The following RAB6B variants were observed in gnomAD, a reference collection of about 807,000 sequenced individuals.
The protein encoded by RAB6B is RAB6B, member RAS oncogene family.
In RAB6B, 7 loss-of-function variants were observed where a neutral mutation model predicts 31.2. The ratio of observed to expected loss-of-function variants is 0.22; its 90% CI spans 0.13 to 0.42. RAB6B has a LOEUF of 0.42. Among genes scored for constraint, RAB6B ranks in the 10% least tolerant of loss-of-function variants. The pLI is 1.00. For missense variants in RAB6B, 149 were observed against 280.6 expected, an observed-to-expected ratio of 0.53 and a Z score of 3.35; for synonymous variants, 105 against 104.9, an observed-to-expected ratio of 1.00 and a Z score of -0.01.
At chr3:133,837,535 G>A (rs763553618) in intron 6 of RAB6B, among the ~76,000 whole-genome samples, 4 of 152,318 alleles carry the variant, frequency 2.6e-5, no homozygotes, top group South Asian at 2.1e-4. Context: ...CAAATCAGAC[G>A]TCCTTCAGTG....
intron 1 of RAB6B, among the ~76,000 whole-genome samples, chr3:133,870,162 C>T (rs755381297): frequency 1.3e-5 from 2 of 152,190 alleles, no homozygotes; most frequent in Non-Finnish European, 2.9e-5. Flanking sequence ...AGGAAACTTA[C>T]AATCATGGCA....
chr3:133,871,585 G>A (rs566226156), intron 1 of RAB6B, among the ~76,000 whole-genome samples: 392 of 152,350 alleles, frequency 2.6e-3, no homozygotes, highest in Non-Finnish European at 4.6e-3. Flanking sequence ...AAAGCTGAGT[G>A]GGCAGTAAGT....
In RAB6B at chr3:133,825,949, C is replaced by T. The variant is rs1216490446; in HGVS notation, c.*2839G>A. The T allele has an allele frequency of 6.6e-6, 1 of 152,248 alleles. No individual in the cohort carries two copies. The highest frequency in any genetic ancestry group is 1.5e-5 in the Non-Finnish European group (1 of 68,044). The allele number at this position is 152,248 out of a possible 1,614,324, so 9.4% of individuals were successfully genotyped here. ...CTGGGGTGCTGAGGCAATGCCATGA[C>T]ATCTTCTTCAAGAGCACCTAACAGT... On this transcript the variant is annotated 3_prime_UTR_variant, in exon 8 of 8. Transcript: ENST00000285208.
chr3:133,852,785 T>C (rs1936006658), intron 2 of RAB6B, among the ~76,000 whole-genome samples: 1 of 152,172 alleles, frequency 6.6e-6, no homozygotes, highest in African/African-American at 2.4e-5. Flanking sequence ...GGCAAATCCT[T>C]GATTCTAAAC....
At chr3:133,871,598 C>G (rs1936324588) in intron 1 of RAB6B, among the ~76,000 whole-genome samples, 1 of 152,220 alleles carries the variant, frequency 6.6e-6, no homozygotes, top group South Asian at 2.1e-4. Flanking sequence ...CAGTAAGTCC[C>G]CAGACTCCTC....
chr3:133,864,776 GGGAGACA>G, intron 1 of RAB6B, 134 bp from the exon 2 acceptor site: 1 of 859,736 alleles, frequency 1.2e-6, no homozygotes. Context: ...ATACAGAAGT[GGGAGACA>G]GGCCCCTGCT....
chr3:133,890,672 T>A (rs1416608051), intron 1 of RAB6B, among the ~76,000 whole-genome samples: 1 of 152,130 alleles, frequency 6.6e-6, no homozygotes, highest in African/African-American at 2.4e-5. Flanking sequence ...AATCTACTGA[T>A]GGGCCATCAG....
intron 2 of RAB6B, among the ~76,000 whole-genome samples, chr3:133,845,188 C>T (rs903816126): frequency 6.6e-6 from 1 of 152,190 alleles, no homozygotes; most frequent in Non-Finnish European, 1.5e-5. Context: ...AAATCTATCG[C>T]TGTGGTCTGA....
chr3:133,852,601 G>T (rs992363460), intron 2 of RAB6B, among the ~76,000 whole-genome samples: 1 of 151,782 alleles, frequency 6.6e-6, no homozygotes, highest in Non-Finnish European at 1.5e-5. Context: ...CTCCCAAGTA[G>T]TTGGAACTAC....
intron 2 of RAB6B, among the ~76,000 whole-genome samples, chr3:133,854,171 A>AT (rs1936040993): frequency 1.3e-5 from 2 of 152,214 alleles, no homozygotes; most frequent in Admixed American, 1.3e-4. Flanking sequence ...TGTGGTTGCA[A>AT]TCCCTACAAA....
At chr3:133,882,187 C>A (rs1239062639) in intron 1 of RAB6B, among the ~76,000 whole-genome samples, 1 of 152,202 alleles carries the variant, frequency 6.6e-6, no homozygotes, top group African/African-American at 2.4e-5. Context: ...GTGACCCCCT[C>A]ACAGGCCCTC....
intron 1 of RAB6B, among the ~76,000 whole-genome samples, chr3:133,894,982 G>A (rs958824049): frequency 2.0e-5 from 3 of 152,168 alleles, no homozygotes; most frequent in Non-Finnish European, 2.9e-5. Flanking sequence ...GTTCTCCAAG[G>A]GGGGCGCCCG....
chr3:133,887,986 C>A (rs749029497), intron 1 of RAB6B, among the ~76,000 whole-genome samples: 1 of 152,186 alleles, frequency 6.6e-6, no homozygotes, highest in Non-Finnish European at 1.5e-5. Context: ...ACACGGAGAC[C>A]CTGCTTCCCT....
At chr3:133,876,701 G>C (rs184687940) in intron 1 of RAB6B, among the ~76,000 whole-genome samples, 1 of 152,120 alleles carries the variant, frequency 6.6e-6, no homozygotes, top group African/African-American at 2.4e-5. Flanking sequence ...TGCCAATATT[G>C]AGCTTTTTAT....
At chr3:133,852,040 C>T (rs1308790187) in intron 2 of RAB6B, among the ~76,000 whole-genome samples, 1 of 152,252 alleles carries the variant, frequency 6.6e-6, no homozygotes, top group Non-Finnish European at 1.5e-5. Context: ...GATGGGCATT[C>T]TCCTCGTCAC....
chr3:133,865,747 C>A (rs529520164), intron 1 of RAB6B, among the ~76,000 whole-genome samples: 1 of 152,362 alleles, frequency 6.6e-6, no homozygotes, highest in African/African-American at 2.4e-5. Flanking sequence ...GGTGGGGTGG[C>A]TGGTCACTCC....
chr3:133,891,456 G>A lies in RAB6B; in HGVS notation c.70+3941C>T, dbSNP rs546593343. 2.6e-5 allele frequency among the ~76,000 whole-genome samples: 4 copies of A among 152,298 alleles called. No homozygotes were observed. In the South Asian group the frequency reaches 6.2e-4, roughly 24 times the overall value. Reference sequence around the variant, plus strand: ...ATAGAAGCATCCCTTGCTAGCCTACGGAAGCTGCCTCTGACACCAGCCCCC... The same window carrying A: ...ATAGAAGCATCCCTTGCTAGCCTACAGAAGCTGCCTCTGACACCAGCCCCC... On this transcript the variant is annotated intron_variant, in intron 1 of 7. Coordinates refer to ENST00000285208, the MANE Select transcript of RAB6B (RefSeq NM_016577.4).
At chr3:133,895,320 G>A in intron 1 of RAB6B, 77 bp downstream of exon 1, 1 of 1,488,138 alleles carries the variant, frequency 6.7e-7, no homozygotes, top group South Asian at 1.2e-5. Flanking sequence ...GCCTGGGCCG[G>A]GGGTCCCAAT....
chr3:133,841,764 G>T, intron 2 of RAB6B, 101 bp from the exon 3 acceptor site: 1 of 1,175,622 alleles, frequency 8.5e-7, no homozygotes, highest in Non-Finnish European at 1.2e-6. Flanking sequence ...AAGAGGGGAC[G>T]CTCATGTCAG....
Sources: allele counts gnomAD v4.1 joint callset (sites outside exome capture counted in the v4.1 genomes callset), GRCh38; gene constraint gnomAD v4.1.1; transcripts MANE v1.5; gene names NCBI Gene and HGNC (gene_info 2026-07-23, HGNC 2026-07-21).